The following TTC23 variants were observed in gnomAD, a reference collection of about 807,000 sequenced individuals.
The protein encoded by TTC23 is tetratricopeptide repeat domain 23, also known as tetratricopeptide repeat protein 23.
A neutral mutation model predicts 55.1 loss-of-function variants in TTC23; 58 were observed. The observed-to-expected ratio is 1.05, with a 90% CI of 0.85 to 1.31. The LOEUF (loss-of-function observed/expected upper bound fraction) is 1.31, where lower values mean the gene tolerates loss of function less well. Ranked by LOEUF, TTC23 falls within the 50% of genes most tolerant of loss-of-function variation. The pLI is 0.00. For missense variants in TTC23, 516 were observed against 534.4 expected (o/e 0.97, Z 0.34); for synonymous variants, 203 against 199.9 (o/e 1.02, Z -0.13).
chr15:99,143,671 G>A (rs1017800483), intron 12 of TTC23, among the ~76,000 whole-genome samples: 1 of 152,178 alleles, frequency 6.6e-6, no homozygotes, highest in Non-Finnish European at 1.5e-5. Flanking sequence ...TATATGCAGG[G>A]TTGTGAGAAG....
intron 9 of TTC23, among the ~76,000 whole-genome samples, chr15:99,182,223 ATCTCTCTC>A (rs147417590): frequency 3.2e-4 from 43 of 132,418 alleles, no homozygotes; most frequent in Middle Eastern, 3.8e-3. Context: ...TGTTCCAGAA[ATCTCTCTC>A]TCTCTCTCTC....
intron 11 of TTC23, chr15:99,158,282 G>A (rs530917515): frequency 6.6e-6 from 1 of 152,324 alleles, no homozygotes; most frequent in East Asian, 1.9e-4. Context: ...GCTGGGTTTG[G>A]TGATATTTCT....
At chr15:99,226,481 C>G (rs189618931) in intron 5 of TTC23, among the ~76,000 whole-genome samples, 275 of 152,242 alleles carry the variant, frequency 1.8e-3, no homozygotes, top group African/African-American at 6.5e-3. Flanking sequence ...TTTTAAAATA[C>G]AAAATTACTA....
intron 6 of TTC23, among the ~76,000 whole-genome samples, chr15:99,219,732 G>A (rs1169284356): frequency 2.0e-5 from 3 of 152,048 alleles, no homozygotes; most frequent in Admixed American, 6.6e-5. Flanking sequence ...TCGCTAGCAC[G>A]GCTTCAGGGC....
intron 12 of TTC23, among the ~76,000 whole-genome samples, chr15:99,148,298 T>A (rs1213044547): frequency 2.4e-5 from 3 of 126,618 alleles, no homozygotes; most frequent in African/African-American, 9.3e-5. Flanking sequence ...GAGGTGGAGG[T>A]TGCAGTGAGC....
Position 99,197,905 on chromosome 15 carries a change from C to CA in TTC23, c.759+2013dup, listed in dbSNP as rs199825292. ...GCAACAGAGCAAGACTCCGCTCAAACAAAAAAAAAAAAGAAAAAAGAAAAA... is the reference window on the plus strand; with the variant it reads ...GCAACAGAGCAAGACTCCGCTCAAACAAAAAAAAAAAAAGAAAAAAGAAAAA... On this transcript the variant is annotated intron_variant, in intron 9 of 13. Transcript: ENST00000394132. 3.1e-3 allele frequency among the ~76,000 whole-genome samples: 397 copies of CA among 128,552 alleles called. 4 individuals carry two copies. The East Asian group carries it at 0.048, about 16-fold the overall frequency. The allele number at this position is 128,552 out of a possible 152,430, so 84.3% of individuals were successfully genotyped here.
intron 3 of TTC23, among the ~76,000 whole-genome samples, chr15:99,239,877 A>G (rs1483085647): frequency 6.6e-6 from 1 of 152,264 alleles, no homozygotes; most frequent in Non-Finnish European, 1.5e-5. Flanking sequence ...CAACCATGTA[A>G]GGTACAGAGG....
intron 4 of TTC23, among the ~76,000 whole-genome samples, chr15:99,233,976 C>G (rs999369116): frequency 1.2e-4 from 18 of 151,822 alleles, no homozygotes; most frequent in Non-Finnish European, 2.1e-4. Context: ...GATATTCACA[C>G]GTAAAAATAA....
intron 5 of TTC23, among the ~76,000 whole-genome samples, chr15:99,225,478 AGGGGATGCAT>A (rs1345095277): frequency 6.6e-6 from 1 of 152,180 alleles, no homozygotes; most frequent in Non-Finnish European, 1.5e-5. Flanking sequence ...TTAAACCGTA[AGGGGATGCAT>A]TGAGGACTCA....
chr15:99,199,118 G>C (rs1450215096), intron 9 of TTC23, among the ~76,000 whole-genome samples: 1 of 152,134 alleles, frequency 6.6e-6, no homozygotes, highest in African/African-American at 2.4e-5. Flanking sequence ...GATGACCCTG[G>C]ATAATATCGG....
At chr15:99,215,907 T>G (rs999692739) in intron 8 of TTC23, among the ~76,000 whole-genome samples, 3 of 151,778 alleles carry the variant, frequency 2.0e-5, no homozygotes, top group Non-Finnish European at 4.4e-5. Flanking sequence ...AAAAGGAAAT[T>G]TAAACCCAAA....
At chr15:99,154,869 A>G (rs2070326716) in intron 12 of TTC23, among the ~76,000 whole-genome samples, 1 of 152,236 alleles carries the variant, frequency 6.6e-6, no homozygotes, top group Non-Finnish European at 1.5e-5. Context: ...AAGAATCACT[A>G]GAGGCATTTA....
intron 9 of TTC23, among the ~76,000 whole-genome samples, chr15:99,181,568 C>T (rs1357219377): frequency 6.6e-6 from 1 of 152,212 alleles, no homozygotes; most frequent in Non-Finnish European, 1.5e-5. Context: ...AGCTGTGAAG[C>T]TGCATAGCTT....
chr15:99,244,496 G>A (rs989618220), intron 2 of TTC23, among the ~76,000 whole-genome samples: 56 of 152,236 alleles, frequency 3.7e-4, no homozygotes, highest in African/African-American at 1.3e-3. Context: ...ATTTTTATAT[G>A]TCAGCAATAA....
intron 3 of TTC23, among the ~76,000 whole-genome samples, chr15:99,239,297 C>G (rs2079570530): frequency 6.6e-6 from 1 of 152,060 alleles, no homozygotes; most frequent in African/African-American, 2.4e-5. Flanking sequence ...CCACCCTGGC[C>G]AACACAGTGA....
intron 3 of TTC23, among the ~76,000 whole-genome samples, chr15:99,235,613 G>A (rs1419780405): frequency 6.6e-5 from 10 of 152,148 alleles, no homozygotes; most frequent in African/African-American, 1.4e-4. Flanking sequence ...CTCGTGATCC[G>A]CCTGCCTTGG....
At position 99,221,708 on chromosome 15, in the gene TTC23, C is replaced by A. The variant is rs894375445; in HGVS notation, c.304+33G>T. On this transcript the variant is annotated intron_variant, in intron 6 of 13. Transcript: ENST00000394132. ...TTTGGGGAGAACAGCAGAAATCGAC[C>A]AACTGATCCCCCTCAGTCTAAGGCG... 2.0e-5 allele frequency: 33 copies of A among 1,611,904 alleles called. No individual in the cohort carries two copies. The Admixed American group carries it at 3.0e-4, about 15-fold the overall frequency.
chr15:99,183,506 T>A lies in TTC23; in HGVS notation c.760-8351A>T, dbSNP rs1434245000. ...CCAGCTGATTTTTTGTATTTTTTTT[T>A]TTTTTTTTTTTTTTTAGTAGATAAC... On this transcript the variant is annotated intron_variant, in intron 9 of 13. Transcript: ENST00000394132. Among the ~76,000 whole-genome samples, 3 of 147,356 alleles carry A rather than the reference T, an allele frequency of 2.0e-5. No individual in the cohort carries two copies. The East Asian group carries it at 5.9e-4, about 29-fold the overall frequency.
At chr15:99,174,541 A>T (rs117601300) in intron 10 of TTC23, among the ~76,000 whole-genome samples, 17 of 152,288 alleles carry the variant, frequency 1.1e-4, no homozygotes, top group Non-Finnish European at 1.8e-4. Context: ...TGGATTAAAT[A>T]ATTCCTGAAG....
Sources: gnomAD v4.1 joint callset for allele counts (sites outside exome capture counted in the v4.1 genomes callset) on GRCh38, gnomAD v4.1.1 for gene constraint, MANE v1.5 for transcripts, NCBI Gene and HGNC (gene_info 2026-07-23, HGNC 2026-07-21) for gene names.